TEX36: variants seen among roughly 807,000 people sequenced by gnomAD.
The protein encoded by TEX36 is testis expressed 36.
Under a neutral mutation model 13.6 loss-of-function variants are expected in TEX36, and 12 were observed. The ratio of observed to expected loss-of-function variants is 0.88; its 90% CI spans 0.56 to 1.43. The LOEUF is 1.43. Among genes scored for constraint, TEX36 ranks in the 40% most tolerant of loss-of-function variants. The probability of loss-of-function intolerance (pLI) is 0.00; values close to 1 mark genes in which losing one functional copy is unlikely to be tolerated. For synonymous variants in TEX36, 93 were observed against 83.0 expected (o/e 1.12, Z -0.65); for missense variants, 224 against 228.3 (o/e 0.98, Z 0.12).
At chr10:125,596,202 C>A (rs1380742271) in intron 3 of TEX36, among the ~76,000 whole-genome samples, 2 of 152,022 alleles carry the variant, frequency 1.3e-5, no homozygotes, top group Non-Finnish European at 2.9e-5. Context: ...GCAAAAGGGA[C>A]TTTGCCAATG....
chr10:125,680,400 A>G (rs1458133615), intron 1 of TEX36, among the ~76,000 whole-genome samples: 1 of 152,234 alleles, frequency 6.6e-6, no homozygotes, highest in Admixed American at 6.5e-5. Context: ...TTTAAAATAT[A>G]TATTTAATGG....
At chr10:125,656,507 C>T (rs1301906394) in intron 3 of TEX36, among the ~76,000 whole-genome samples, 1 of 152,078 alleles carries the variant, frequency 6.6e-6, no homozygotes, top group Non-Finnish European at 1.5e-5. Flanking sequence ...ATCTGCCCGC[C>T]TCAGCCTCCC....
intron 3 of TEX36, among the ~76,000 whole-genome samples, chr10:125,590,742 T>C (rs1846011994): frequency 6.6e-6 from 1 of 152,112 alleles, no homozygotes; most frequent in Admixed American, 6.6e-5. Context: ...GAGAATAATA[T>C]TGTCTGATGA....
chr10:125,670,975 G>C (rs1355966166), intron 1 of TEX36, among the ~76,000 whole-genome samples: 1 of 151,938 alleles, frequency 6.6e-6, no homozygotes, highest in Non-Finnish European at 1.5e-5. Flanking sequence ...TGCTGTTTTG[G>C]TTACTCTAGC....
At chr10:125,678,701 T>A (rs1327313639) in intron 1 of TEX36, among the ~76,000 whole-genome samples, 1 of 152,088 alleles carries the variant, frequency 6.6e-6, no homozygotes, top group African/African-American at 2.4e-5. Context: ...GGACTGCAGG[T>A]GGTGCTTGCA....
intron 3 of TEX36, among the ~76,000 whole-genome samples, chr10:125,625,473 G>A (rs748597188): frequency 3.9e-5 from 6 of 152,190 alleles, no homozygotes; most frequent in Non-Finnish European, 5.9e-5. Flanking sequence ...TCAGTTCATA[G>A]TTTAGTCTAA....
chr10:125,667,609 G>T, intron 1 of TEX36: 1 of 726,486 alleles, frequency 1.4e-6, no homozygotes, highest in South Asian at 1.5e-5. Context: ...CTGCAAGGGA[G>T]ACCACGCCCT....
Position 125,640,132 on chromosome 10 carries a change from T to G in TEX36, c.265-18487A>C, listed in dbSNP as rs74857294. On this transcript the variant is annotated intron_variant, in intron 3 of 3. Transcript: ENST00000526819. ...TTTTTTCCGTTCAGAACTGGGATTG[T>G]CCCCTGCAGATGTTACAGCCAGATC... 7.7e-3 allele frequency: 7,585 copies of G among 984,968 alleles called. 44 individuals carry two copies. The highest frequency in any genetic ancestry group is 0.025 in the Middle Eastern group (48 of 1,914). The allele number at this position is 984,968 out of a possible 1,614,324, so 61.0% of individuals were successfully genotyped here. A position where few individuals can be genotyped will look rare whatever the true frequency, so the allele number is the denominator to read the frequency against.
chr10:125,633,160 GC>G (rs936900260), intron 3 of TEX36, among the ~76,000 whole-genome samples: 56 of 152,072 alleles, frequency 3.7e-4, no homozygotes, highest in African/African-American at 1.3e-3. Flanking sequence ...TCACTTCATT[GC>G]CTCATCTTTC....
intron 3 of TEX36, among the ~76,000 whole-genome samples, chr10:125,644,115 A>G (rs918153595): frequency 8.5e-5 from 13 of 152,242 alleles, no homozygotes; most frequent in Non-Finnish European, 1.5e-4. Flanking sequence ...TACACCCACA[A>G]ACAAAAGCCA....
intron 3 of TEX36, among the ~76,000 whole-genome samples, chr10:125,583,994 G>A (rs1342451578): frequency 4.6e-5 from 7 of 152,188 alleles, no homozygotes; most frequent in Non-Finnish European, 7.4e-5. Context: ...GTTGTGGAGG[G>A]AGTGACACTG....
At chr10:125,678,356 A>T (rs902723951) in intron 1 of TEX36, among the ~76,000 whole-genome samples, 26 of 152,106 alleles carry the variant, frequency 1.7e-4, no homozygotes, top group African/African-American at 5.8e-4. Flanking sequence ...GCTGTGATGA[A>T]GTTGTGCTGG....
chr10:125,645,536 T>C (rs1247676856), intron 3 of TEX36, among the ~76,000 whole-genome samples: 1 of 152,196 alleles, frequency 6.6e-6, no homozygotes, highest in Non-Finnish European at 1.5e-5. Flanking sequence ...GCCCCTTGGC[T>C]CTGGACTTCT....
At chr10:125,618,131 G>A (rs1846381893), downstream of TEX36, among the ~76,000 whole-genome samples, 1 of 151,962 alleles carries the variant, frequency 6.6e-6, no homozygotes, top group Non-Finnish European at 1.5e-5. Context: ...TTGGTTTTCA[G>A]CTCCATCAGC....
intron 3 of TEX36, among the ~76,000 whole-genome samples, chr10:125,593,946 G>A (rs1030492612): frequency 2.6e-4 from 40 of 152,230 alleles, no homozygotes; most frequent in African/African-American, 8.7e-4. Context: ...AAAGAGAAAA[G>A]AACAGATGTG....
chr10:125,617,075 A>G (rs1434428356), downstream of TEX36, among the ~76,000 whole-genome samples: 27 of 152,152 alleles, frequency 1.8e-4, no homozygotes, highest in African/African-American at 6.5e-4. Context: ...TTGTTGGTTT[A>G]AAGTCTGTTT....
At position 125,646,165 on chromosome 10, in the gene TEX36, T is replaced by C. The variant is rs1014785027; in HGVS notation, c.264+14856A>G. 1.3e-4 allele frequency among the ~76,000 whole-genome samples: 20 copies of C among 151,996 alleles called. No homozygotes were observed. In the South Asian group the frequency reaches 2.1e-3, roughly 16 times the overall value. On this transcript the variant is annotated intron_variant, in intron 3 of 3. Coordinates refer to the TEX36 transcript ENST00000526819. The stretch of plus-strand genomic sequence containing the variant: ...CAACATGGTGAAACCCTGTCTCCAC[T>C]AAAAATACAATATAGCCAGCCGTGG...
intron 1 of TEX36, among the ~76,000 whole-genome samples, chr10:125,672,593 GA>G (rs1425958697): frequency 6.6e-6 from 1 of 152,200 alleles, no homozygotes; most frequent in Non-Finnish European, 1.5e-5. Flanking sequence ...GCACCAAGAA[GA>G]ATGTATATTC....
intron 1 of TEX36, 60 bp from the exon 2 acceptor site, chr10:125,662,037 A>G: frequency 6.5e-7 from 1 of 1,549,502 alleles, no homozygotes; most frequent in Non-Finnish European, 8.7e-7. Context: ...CAAGCCAAGT[A>G]TCAGGGCTTC....
Sources: gnomAD v4.1 joint callset for allele counts (sites outside exome capture counted in the v4.1 genomes callset) on GRCh38, gnomAD v4.1.1 for gene constraint, MANE v1.5 for transcripts, NCBI Gene and HGNC (gene_info 2026-07-23, HGNC 2026-07-21) for gene names.